Variants in FHIP1A observed in about 807,000 individuals in gnomAD.
FHIP1A encodes FHF complex subunit HOOK interacting protein 1A.
A neutral mutation model predicts 88.6 loss-of-function variants in FHIP1A; 61 were observed. That is an observed-to-expected ratio of 0.69 (90% CI 0.56 to 0.85). The LOEUF (loss-of-function observed/expected upper bound fraction) is 0.85. Among genes scored for constraint, FHIP1A ranks in the 40% least tolerant of loss-of-function variants. The probability of loss-of-function intolerance (pLI) is 0.00; values close to 1 mark genes in which losing one functional copy is unlikely to be tolerated. For synonymous variants in FHIP1A, 478 were observed against 496.0 expected, an observed-to-expected ratio of 0.96 and a Z score of 0.48; for missense variants, 1,154 against 1,273.5, an observed-to-expected ratio of 0.91 and a Z score of 1.43.
intron 3 of FHIP1A, among the ~76,000 whole-genome samples, chr4:151,522,493 A>C (rs942446718): frequency 6.6e-6 from 1 of 152,250 alleles, no homozygotes; most frequent in Non-Finnish European, 1.5e-5. Context: ...GTGGAAAGTC[A>C]GTGGAGGTTT....
intron 3 of FHIP1A, among the ~76,000 whole-genome samples, chr4:151,532,515 AGTACT>A (rs1731915600): frequency 6.6e-6 from 1 of 152,174 alleles, no homozygotes; most frequent in East Asian, 1.9e-4. Flanking sequence ...ATGCTCCTTT[AGTACT>A]GGGGCACTTT....
chr4:151,412,762 G>C (rs552756976), intron 1 of FHIP1A, among the ~76,000 whole-genome samples: 1 of 145,302 alleles, frequency 6.9e-6, no homozygotes, highest in Admixed American at 7.0e-5. Context: ...TCAGCTCACC[G>C]CAACCTCTGC....
At chr4:151,549,242 G>A (rs1441169212) in intron 3 of FHIP1A, among the ~76,000 whole-genome samples, 1 of 152,112 alleles carries the variant, frequency 6.6e-6, no homozygotes, top group Non-Finnish European at 1.5e-5. Context: ...CGGACTGGTG[G>A]GAAAGTTGTT....
intron 1 of FHIP1A, among the ~76,000 whole-genome samples, chr4:151,439,931 T>C (rs1272954614): frequency 6.6e-6 from 1 of 152,200 alleles, no homozygotes; most frequent in Non-Finnish European, 1.5e-5. Context: ...TTATTGTCTC[T>C]ATCTCCATGT....
At chr4:151,627,959 A>G (rs1175173718) in intron 7 of FHIP1A, among the ~76,000 whole-genome samples, 2 of 152,204 alleles carry the variant, frequency 1.3e-5, no homozygotes, top group Non-Finnish European at 2.9e-5. Context: ...GGAGTGCTTC[A>G]TATATGGGAC....
At chr4:151,502,573 T>C (rs1730693224) in intron 3 of FHIP1A, among the ~76,000 whole-genome samples, 1 of 151,302 alleles carries the variant, frequency 6.6e-6, no homozygotes, top group African/African-American at 2.4e-5. Context: ...ATCTGAGGAG[T>C]AGAAAGCAAA....
intron 1 of FHIP1A, among the ~76,000 whole-genome samples, chr4:151,452,006 G>T (rs1160082328): frequency 1.3e-5 from 2 of 151,646 alleles, no homozygotes; most frequent in Non-Finnish European, 2.9e-5. Flanking sequence ...TTTTTTGTAG[G>T]GATATGGTCT....
intron 7 of FHIP1A, among the ~76,000 whole-genome samples, chr4:151,603,447 G>GTCT (rs1452798840): frequency 6.6e-6 from 1 of 152,080 alleles, no homozygotes; most frequent in African/African-American, 2.4e-5. Flanking sequence ...CTTAGGGTCT[G>GTCT]TCTGCTCTGC....
At chr4:151,455,576 A>G (rs1305442970) in intron 2 of FHIP1A, among the ~76,000 whole-genome samples, 1 of 152,142 alleles carries the variant, frequency 6.6e-6, no homozygotes, top group African/African-American at 2.4e-5. Flanking sequence ...CCCACCCCCC[A>G]GGTCTTTTCC....
chr4:151,630,215 A>AT (rs1736105331), intron 8 of FHIP1A, among the ~76,000 whole-genome samples: 2 of 152,170 alleles, frequency 1.3e-5, no homozygotes, highest in Admixed American at 1.3e-4. Context: ...AGCACAGATA[A>AT]AGCCAAGGAA....
chr4:151,534,233 A>T (rs1394276203), intron 3 of FHIP1A, among the ~76,000 whole-genome samples: 1 of 152,234 alleles, frequency 6.6e-6, no homozygotes, highest in African/African-American at 2.4e-5. Flanking sequence ...GTAAAATGAA[A>T]AGAGGATTGA....
chr4:151,552,404 T>C (rs1482435330), intron 3 of FHIP1A, among the ~76,000 whole-genome samples: 1 of 152,124 alleles, frequency 6.6e-6, no homozygotes, highest in African/African-American at 2.4e-5. Flanking sequence ...CTATTCACAA[T>C]AGCAAAGACT....
In FHIP1A at chr4:151,670,159, C is replaced by T. The variant is rs953440003; in HGVS notation, c.*7405C>T. Reference sequence around the variant, plus strand: ...TTTAAGCGACGTGAGTCAGAGGTAACAAAGGCATATATATACCGAACAAAG... The same window carrying T: ...TTTAAGCGACGTGAGTCAGAGGTAATAAAGGCATATATATACCGAACAAAG... On this transcript the variant is annotated 3_prime_UTR_variant, in exon 14 of 14. Transcript: ENST00000435205. 6 of 152,290 alleles carry T rather than the reference C, an allele frequency of 3.9e-5. No individual in the cohort carries two copies. The highest frequency in any genetic ancestry group is 1.2e-4 in the African/African-American group (5 of 41,554). The allele number at this position is 152,290 out of a possible 1,614,324, so 9.4% of individuals were successfully genotyped here.
chr4:151,600,032 CT>C (rs1297017455), intron 7 of FHIP1A, among the ~76,000 whole-genome samples: 12 of 152,334 alleles, frequency 7.9e-5, no homozygotes, highest in Middle Eastern at 6.8e-3. Context: ...ATGTTTGTCT[CT>C]TGTTCACACT....
intron 7 of FHIP1A, among the ~76,000 whole-genome samples, chr4:151,609,204 C>A (rs547638026): frequency 6.6e-6 from 1 of 152,310 alleles, no homozygotes; most frequent in South Asian, 2.1e-4. Flanking sequence ...TACCACTGTT[C>A]TACCTCTGAC....
chr4:151,500,664 T>C (rs772020179), intron 3 of FHIP1A, among the ~76,000 whole-genome samples: 6 of 152,210 alleles, frequency 3.9e-5, no homozygotes, highest in Admixed American at 2.0e-4. Context: ...TAACTGCTAT[T>C]GAAGCCTAAG....
chr4:151,495,462 A>T (rs1730426249), intron 3 of FHIP1A, among the ~76,000 whole-genome samples: 2 of 151,318 alleles, frequency 1.3e-5, no homozygotes, highest in African/African-American at 4.8e-5. Context: ...AGATTGTGCC[A>T]CTGCACTCCA....
intron 1 of FHIP1A, among the ~76,000 whole-genome samples, chr4:151,446,484 C>CTTT (rs372904502): frequency 0.36 from 49,188 of 136,284 alleles, 9,155 homozygotes; most frequent in Non-Finnish European, 0.44. Context: ...TTTCCTTTTC[C>CTTT]TTTTTTTTTT....
intron 4 of FHIP1A, among the ~76,000 whole-genome samples, chr4:151,569,383 C>A (rs1033381171): frequency 6.6e-6 from 1 of 152,030 alleles, no homozygotes; most frequent in Admixed American, 6.5e-5. Flanking sequence ...GAAACCCCAT[C>A]TCTACTAAAA....
Sources: allele counts gnomAD v4.1 joint callset (sites outside exome capture counted in the v4.1 genomes callset), GRCh38; gene constraint gnomAD v4.1.1; transcripts MANE v1.5; gene names NCBI Gene and HGNC (gene_info 2026-07-23, HGNC 2026-07-21).